DHX57: variants seen among roughly 807,000 people sequenced by gnomAD.
The protein encoded by DHX57 is putative ATP-dependent RNA helicase DHX57.
A neutral mutation model predicts 156.2 loss-of-function variants in DHX57; 105 were observed. The observed-to-expected ratio is 0.67, with a 90% CI of 0.57 to 0.79. The LOEUF (loss-of-function observed/expected upper bound fraction) is 0.79. Among genes scored for constraint, DHX57 ranks in the 30% least tolerant of loss-of-function variants. The pLI, the probability that DHX57 is intolerant of heterozygous loss-of-function variation, is 0.00. For missense variants in DHX57, 1,847 were observed against 1,661.9 expected, an observed-to-expected ratio of 1.11 and a Z score of -1.94; for synonymous variants, 704 against 595.6, an observed-to-expected ratio of 1.18 and a Z score of -2.65.
At chr2:38,831,844 CA>C (rs35533064) in intron 13 of DHX57, among the ~76,000 whole-genome samples, 15,582 of 131,842 alleles carry the variant, frequency 0.12, 870 homozygotes, top group African/African-American at 0.14. Context: ...GACTTCATCT[CA>C]AAAAAAAAAA....
At position 38,861,079 on chromosome 2, in the gene DHX57, G is replaced by A; in HGVS notation, c.1331C>T (p.Ser444Phe). 1 of 1,614,200 alleles carries A rather than the reference G, an allele frequency of 6.2e-7. No individual in the cohort carries two copies. Among genetic ancestry groups the A allele is most frequent in the Non-Finnish European group, 8.5e-7 (1 of 1,180,026 alleles). The stretch of plus-strand genomic sequence containing the variant: ...GGCAGGATTATTTATTCTGGTCCTA[G>A]AGGGTACTGGCAGAAAGTTCACAGG... ...DPPVNFLPVP[S>F]RTRINNPACH... is the part of the protein sequence containing the mutation. The change falls in exon 5 of 24, where the codon TCT (serine) becomes TTT (phenylalanine). Residue 444 changes from serine to phenylalanine, a missense_variant. Physicochemically the swap from Ser to Phe is radical, Grantham distance 155. Coordinates refer to ENST00000457308, the MANE Select transcript of DHX57 (RefSeq NM_198963.3).
chr2:38,820,795 A>G (rs1670770771), intron 17 of DHX57, among the ~76,000 whole-genome samples: 1 of 151,976 alleles, frequency 6.6e-6, no homozygotes, highest in Admixed American at 6.6e-5. Flanking sequence ...TCTCCGAACT[A>G]TATAAAATAA....
intron 9 of DHX57, among the ~76,000 whole-genome samples, chr2:38,851,420 AT>A (rs1672587849): frequency 6.6e-6 from 1 of 152,060 alleles, no homozygotes; most frequent in Admixed American, 6.6e-5. Flanking sequence ...ATTTTTACTG[AT>A]TTTTGTTCCT....
At chr2:38,804,457 T>A (rs1669848250) in intron 22 of DHX57, among the ~76,000 whole-genome samples, 1 of 152,086 alleles carries the variant, frequency 6.6e-6, no homozygotes, top group African/African-American at 2.4e-5. Flanking sequence ...GCCACTGCAC[T>A]CTAGCCTGGG....
rs1305471114 is a variant in DHX57, at chr2:38,875,925, G to T, written c.-145C>A. 1.3e-5 allele frequency: 5 copies of T among 396,898 alleles called. No individual in the cohort carries two copies. The highest frequency in any genetic ancestry group is 6.2e-5 in the African/African-American group (3 of 48,586). The allele number at this position is 396,898 out of a possible 1,614,324, so 24.6% of individuals were successfully genotyped here. On this transcript the variant is annotated 5_prime_UTR_variant, in exon 1 of 24. Transcript: ENST00000457308. ...GGCCCAGCTGCAGCGGCACAGTCCCGGCGCCTTCTGATTGGCTCAGCTACA... is the reference window on the plus strand; with the variant it reads ...GGCCCAGCTGCAGCGGCACAGTCCCTGCGCCTTCTGATTGGCTCAGCTACA...
chr2:38,863,799 G>C (rs746946670), intron 2 of DHX57, among the ~76,000 whole-genome samples: 29 of 152,140 alleles, frequency 1.9e-4, no homozygotes, highest in Non-Finnish European at 3.8e-4. Context: ...GATCACCTGA[G>C]GTCAGGAGTT....
chr2:38,819,269 G>GGCTT (rs1670698641), intron 17 of DHX57, 125 bp from the exon 18 acceptor site: 1 of 825,962 alleles, frequency 1.2e-6, no homozygotes, highest in Non-Finnish European at 1.9e-6. Context: ...TTATCTCCCA[G>GGCTT]GCTTAAGCAA....
At chr2:38,841,679 G>A (rs1672012061) in intron 12 of DHX57, among the ~76,000 whole-genome samples, 1 of 152,160 alleles carries the variant, frequency 6.6e-6, no homozygotes, top group African/African-American at 2.4e-5. Flanking sequence ...ACTAAGAACA[G>A]GGTGACAGTC....
At chr2:38,841,287 A>G (rs1671979704) in intron 12 of DHX57, among the ~76,000 whole-genome samples, 1 of 152,226 alleles carries the variant, frequency 6.6e-6, no homozygotes, top group Non-Finnish European at 1.5e-5. Context: ...TTTGTATTAT[A>G]CTCATCTAAA....
chr2:38,856,004 G>A (rs867333347), intron 7 of DHX57, among the ~76,000 whole-genome samples: 53 of 152,088 alleles, frequency 3.5e-4, no homozygotes, highest in African/African-American at 1.2e-3. Flanking sequence ...TCAGCTACTC[G>A]GATGGCTGAG....
At chr2:38,840,541 T>G (rs1365213105) in intron 12 of DHX57, among the ~76,000 whole-genome samples, 2 of 150,686 alleles carry the variant, frequency 1.3e-5, no homozygotes, top group Admixed American at 1.3e-4. Context: ...CCACCACACC[T>G]GGCTAATTTT....
chr2:38,840,574 A>AGAAC (rs1553330632), intron 12 of DHX57, among the ~76,000 whole-genome samples: 1 of 150,270 alleles, frequency 6.7e-6, no homozygotes, highest in African/African-American at 2.4e-5. Flanking sequence ...TGTTTTTTTT[A>AGAAC]AAACAAACAA....
At chr2:38,813,947 T>G in intron 20 of DHX57, 52 bp from the exon 21 acceptor site, 1 of 1,596,402 alleles carries the variant, frequency 6.3e-7, no homozygotes, top group South Asian at 1.1e-5. Flanking sequence ...ATTTCTTTTT[T>G]TTCTTTTTGA....
chr2:38,862,502 G>T (rs915518104), intron 3 of DHX57, 169 bp from the exon 4 acceptor site: 8 of 601,524 alleles, frequency 1.3e-5, no homozygotes, highest in African/African-American at 7.6e-5. Context: ...ACATTTACCA[G>T]GCATTTATTA....
At chr2:38,865,520 G>A (rs1665025703) in intron 2 of DHX57, among the ~76,000 whole-genome samples, 1 of 152,142 alleles carries the variant, frequency 6.6e-6, no homozygotes, top group Non-Finnish European at 1.5e-5. Flanking sequence ...TCAGTCTTGG[G>A]TATGTCCTTA....
chr2:38,808,050 G>A (rs1435496613), intron 21 of DHX57, among the ~76,000 whole-genome samples: 3 of 145,888 alleles, frequency 2.1e-5, no homozygotes, highest in Non-Finnish European at 4.5e-5. Context: ...CGCCTCTCGG[G>A]TTCAAGTGAT....
At chr2:38,808,707 G>A (rs1177714847) in intron 21 of DHX57, among the ~76,000 whole-genome samples, 2 of 152,090 alleles carry the variant, frequency 1.3e-5, no homozygotes, top group South Asian at 2.1e-4. Context: ...CAGAGTAAGA[G>A]TACTCATTTT....
intron 5 of DHX57, among the ~76,000 whole-genome samples, chr2:38,860,602 T>A (rs1382879227): frequency 6.6e-6 from 1 of 152,120 alleles, no homozygotes; most frequent in Non-Finnish European, 1.5e-5. Flanking sequence ...GTATGGATAG[T>A]GGTATAGAAA....
intron 3 of DHX57, chr2:38,862,900 A>G (rs1447973065): frequency 6.4e-6 from 1 of 156,618 alleles, no homozygotes; most frequent in Non-Finnish European, 1.4e-5. Context: ...AGAAGGAATT[A>G]ACTTCTCCAA....
Sources: gnomAD v4.1 joint callset for allele counts (sites outside exome capture counted in the v4.1 genomes callset) on GRCh38, gnomAD v4.1.1 for gene constraint, MANE v1.5 for transcripts, NCBI Gene and HGNC (gene_info 2026-07-23, HGNC 2026-07-21) for gene names.